LMBRD1: variants seen among roughly 807,000 people sequenced by gnomAD.
The protein encoded by LMBRD1 is lysosomal cobalamin transport escort protein LMBD1.
A neutral mutation model predicts 74.8 loss-of-function variants in LMBRD1; 64 were observed. The observed-to-expected ratio is 0.86, with a 90% CI of 0.70 to 1.05. LMBRD1 has a LOEUF of 1.05. Among genes scored for constraint, LMBRD1 ranks in the 50% least tolerant of loss-of-function variants. The pLI is 0.00. For synonymous variants in LMBRD1, 204 were observed against 216.3 expected (o/e 0.94, Z 0.50); for missense variants, 652 against 645.9 (o/e 1.01, Z -0.10).
chr6:69,682,188 A>AG, intron 14 of LMBRD1, among the ~76,000 whole-genome samples: 1 of 152,094 alleles, frequency 6.6e-6, no homozygotes, highest in Non-Finnish European at 1.5e-5. Context: ...TTATATTAAA[A>AG]TTTAACAAGT....
At chr6:69,687,929 GT>G (rs765479081) in intron 14 of LMBRD1, among the ~76,000 whole-genome samples, 46 of 152,096 alleles carry the variant, frequency 3.0e-4, no homozygotes, top group Admixed American at 8.5e-4. Context: ...AGAGGGTTAT[GT>G]TCTTAGTTAT....
chr6:69,796,019 A>C (rs887054299), intron 1 of LMBRD1, among the ~76,000 whole-genome samples: 2 of 152,246 alleles, frequency 1.3e-5, no homozygotes, highest in Non-Finnish European at 2.9e-5. Context: ...TATGAAAGGA[A>C]ATAAATTGAA....
chr6:69,729,372 T>C (rs1462959726), intron 7 of LMBRD1, among the ~76,000 whole-genome samples: 1 of 151,784 alleles, frequency 6.6e-6, no homozygotes, highest in Non-Finnish European at 1.5e-5. Context: ...ATCTGCACAT[T>C]TGTTTTATCA....
At chr6:69,734,660 G>T (rs9354884) in intron 7 of LMBRD1, among the ~76,000 whole-genome samples, 86,335 of 151,964 alleles carry the variant, frequency 0.57, 25,022 homozygotes, top group East Asian at 0.74. Context: ...TCTCCGAAAG[G>T]GCTGGGATTA....
chr6:69,754,040 CA>C (rs1562113537), intron 3 of LMBRD1, among the ~76,000 whole-genome samples: 1 of 151,702 alleles, frequency 6.6e-6, no homozygotes, highest in African/African-American at 2.4e-5. Context: ...AAGCCAGTCA[CA>C]AAAAGACAAA....
intron 3 of LMBRD1, among the ~76,000 whole-genome samples, chr6:69,758,752 G>A (rs1765317012): frequency 6.6e-6 from 1 of 152,046 alleles, no homozygotes; most frequent in African/African-American, 2.4e-5. Context: ...TACTAGAAAT[G>A]GGCAAATTCA....
chr6:69,762,438 C>T (rs955607700), intron 3 of LMBRD1, among the ~76,000 whole-genome samples: 4 of 150,960 alleles, frequency 2.6e-5, no homozygotes, highest in African/African-American at 9.7e-5. Context: ...CAGTAGAGAC[C>T]CTGTCTCTAC....
At chr6:69,683,551 A>G (rs1765704631) in intron 14 of LMBRD1, among the ~76,000 whole-genome samples, 1 of 152,114 alleles carries the variant, frequency 6.6e-6, no homozygotes, top group Admixed American at 6.6e-5. Flanking sequence ...CTATTGTGCT[A>G]CACATCTTAT....
intron 14 of LMBRD1, among the ~76,000 whole-genome samples, chr6:69,681,153 A>T (rs12661842): frequency 6.6e-6 from 1 of 151,874 alleles, no homozygotes; most frequent in Admixed American, 6.6e-5. Flanking sequence ...AACATGGGGG[A>T]GGGGGGCTCA....
chr6:69,702,336 C>A (rs1253140615), intron 9 of LMBRD1, among the ~76,000 whole-genome samples: 1 of 151,396 alleles, frequency 6.6e-6, no homozygotes, highest in Non-Finnish European at 1.5e-5. Flanking sequence ...GGTTATATTA[C>A]CCTGTTAGTT....
At chr6:69,740,256 A>C (rs1034355369) in intron 6 of LMBRD1, among the ~76,000 whole-genome samples, 1 of 152,236 alleles carries the variant, frequency 6.6e-6, no homozygotes, top group Non-Finnish European at 1.5e-5. Context: ...TAGAGTGATA[A>C]GTAACATGTA....
Position 69,752,314 on chromosome 6 carries a change from G to A in LMBRD1, c.350C>T (p.Pro117Leu). Residue 117 changes from proline (P) to leucine (L), a missense_variant, in exon 4 of 16, where the codon CCT (proline) becomes CTT (leucine). Physicochemically the swap from Pro to Leu is moderately conservative, Grantham distance 98. Around this residue, in one of 3 missense-constraint regions of LMBRD1, gnomAD observed 598 missense variants for 581.8 expected, o/e 1.03. Coordinates refer to ENST00000649934, the MANE Select transcript of LMBRD1 (RefSeq NM_018368.4). ...TTCTTCATAATAGAAGTAGACAAAA[G>A]GGATCCAGAAGAACACACAGAACAA... ...VILFCVFFWI[P>L]FVYFYYEEKD... 6.2e-7 allele frequency: 1 copy of A among 1,610,298 alleles called. No homozygotes were observed. The highest frequency in any genetic ancestry group is 1.1e-5 in the South Asian group (1 of 90,994).
intron 1 of LMBRD1, among the ~76,000 whole-genome samples, chr6:69,793,716 A>T (rs9360406): frequency 0.49 from 69,301 of 141,298 alleles, 17,242 homozygotes; most frequent in East Asian, 0.62. Context: ...CATGTCCTGA[A>T]TCTTTTTTTT....
intron 4 of LMBRD1, among the ~76,000 whole-genome samples, chr6:69,750,857 T>G (rs1378518909): frequency 2.6e-5 from 4 of 152,198 alleles, no homozygotes; most frequent in African/African-American, 9.6e-5. Flanking sequence ...AGGAGTCATT[T>G]AAAATACTGT....
intron 14 of LMBRD1, among the ~76,000 whole-genome samples, chr6:69,676,983 C>A (rs2149832710): frequency 6.6e-6 from 1 of 152,210 alleles, no homozygotes; most frequent in African/African-American, 2.4e-5. Flanking sequence ...TAATACCTTT[C>A]CTCACCCATT....
chr6:69,735,658 A>G (rs932843504), intron 7 of LMBRD1, among the ~76,000 whole-genome samples: 1 of 152,222 alleles, frequency 6.6e-6, no homozygotes, highest in Non-Finnish European at 1.5e-5. Context: ...AAATAGTTTT[A>G]GTAACATCTT....
Position 69,740,131 on chromosome 6 carries a change from A to G in LMBRD1, c.562+1658T>C, listed in dbSNP as rs529389303. Among the ~76,000 whole-genome samples the G allele has an allele frequency of 4.6e-5, 7 of 152,214 alleles. 1 individual carries two copies. The South Asian group carries it at 1.2e-3, about 27-fold the overall frequency. ...AATCAATCAATCAATCAATCAATAAAAAGGTCATATACCCTTGATGCCTGA... is the reference window on the plus strand; with the variant it reads ...AATCAATCAATCAATCAATCAATAAGAAGGTCATATACCCTTGATGCCTGA... On this transcript the variant is annotated intron_variant, in intron 6 of 15. Transcript: ENST00000649934.
chr6:69,701,406 A>T (rs1562090028), intron 11 of LMBRD1, 37 bp downstream of exon 11: 1 of 1,155,706 alleles, frequency 8.7e-7, no homozygotes, highest in Non-Finnish European at 1.3e-6. Flanking sequence ...TTTATACTCT[A>T]GCAGCTACAG....
intron 5 of LMBRD1, chr6:69,746,141 C>T (rs1343975376): frequency 2.5e-5 from 4 of 159,440 alleles, no homozygotes; most frequent in Non-Finnish European, 2.8e-5. Flanking sequence ...GTGATTTGGG[C>T]GCTGATTATG....
Sources: gnomAD v4.1 joint callset for allele counts (sites outside exome capture counted in the v4.1 genomes callset) on GRCh38, gnomAD v4.1.1 for gene constraint, gnomAD v4.1.1 regional missense constraint, MANE v1.5 for transcripts, NCBI Gene and HGNC (gene_info 2026-07-23, HGNC 2026-07-21) for gene names.